Variants in UMAD1 observed in about 807,000 individuals in gnomAD.
The protein encoded by UMAD1 is UBAP1-MVB12-associated (UMA)-domain containing protein 1.
A neutral mutation model predicts 6.1 loss-of-function variants in UMAD1; 8 were observed. The ratio of observed to expected loss-of-function variants is 1.30; its 90% CI spans 0.76 to 2.35. The LOEUF (loss-of-function observed/expected upper bound fraction) is 2.35, where lower values mean the gene tolerates loss of function less well. UMAD1 is among the 30% of genes most tolerant of loss of function. The pLI, the probability that UMAD1 is intolerant of heterozygous loss-of-function variation, is 0.00. For missense variants in UMAD1, 130 were observed against 78.4 expected, an observed-to-expected ratio of 1.66 and a Z score of -2.49; for synonymous variants, 56 against 31.4, an observed-to-expected ratio of 1.78 and a Z score of -2.61.
chr7:7,839,598 C>A (rs905739507), intron 3 of UMAD1, among the ~76,000 whole-genome samples: 3 of 151,996 alleles, frequency 2.0e-5, no homozygotes, highest in Non-Finnish European at 1.5e-5. Flanking sequence ...ATAGGACTTA[C>A]AATAGCATGT....
At chr7:7,666,745 A>G (rs1370726328) in intron 1 of UMAD1, among the ~76,000 whole-genome samples, 1 of 152,040 alleles carries the variant, frequency 6.6e-6, no homozygotes, top group Non-Finnish European at 1.5e-5. Context: ...TACATTATTT[A>G]TCAAATATGT....
chr7:7,812,725 G>C (rs186558086), intron 3 of UMAD1, among the ~76,000 whole-genome samples: 2 of 150,862 alleles, frequency 1.3e-5, no homozygotes, highest in Non-Finnish European at 2.9e-5. Flanking sequence ...TACTTTTATA[G>C]CTTTAAAAAC....
intron 2 of UMAD1, among the ~76,000 whole-genome samples, chr7:7,715,833 T>A (rs1027869776): frequency 2.6e-5 from 4 of 152,156 alleles, no homozygotes; most frequent in Admixed American, 1.3e-4. Context: ...TAAAATAGAA[T>A]AGCATCAAAC....
At chr7:7,793,544 C>G (rs199980426) in intron 2 of UMAD1, among the ~76,000 whole-genome samples, 3 of 152,098 alleles carry the variant, frequency 2.0e-5, no homozygotes, top group Non-Finnish European at 2.9e-5. Context: ...TTTTTAAGTA[C>G]TGGGGCTTTC....
intron 2 of UMAD1, among the ~76,000 whole-genome samples, chr7:7,789,154 C>G (rs141282776): frequency 6.6e-6 from 1 of 152,248 alleles, no homozygotes; most frequent in Non-Finnish European, 1.5e-5. Context: ...GTGTGTTCCT[C>G]TGACACTGGT....
intron 3 of UMAD1, among the ~76,000 whole-genome samples, chr7:7,810,769 A>G (rs1328837843): frequency 6.6e-6 from 1 of 152,210 alleles, no homozygotes; most frequent in Non-Finnish European, 1.5e-5. Context: ...TGCAAGAACT[A>G]TTTTGTGTGA....
intron 2 of UMAD1, among the ~76,000 whole-genome samples, chr7:7,759,652 T>A (rs1014161497): frequency 6.6e-6 from 1 of 152,136 alleles, no homozygotes; most frequent in Non-Finnish European, 1.5e-5. Context: ...ACTGAAAGGA[T>A]CTAGGAAGGA....
At chr7:7,784,889 A>G (rs1782430749) in intron 2 of UMAD1, among the ~76,000 whole-genome samples, 1 of 148,872 alleles carries the variant, frequency 6.7e-6, no homozygotes, top group Non-Finnish European at 1.5e-5. Flanking sequence ...CAGCCTCCCG[A>G]GTAGCTGGGA....
chr7:7,836,992 C>A (rs1031032143), intron 3 of UMAD1, among the ~76,000 whole-genome samples: 51 of 151,472 alleles, frequency 3.4e-4, no homozygotes, highest in Admixed American at 3.1e-3. Flanking sequence ...TAGAAAGCCC[C>A]CCAAACACAA....
intron 2 of UMAD1, among the ~76,000 whole-genome samples, chr7:7,707,852 A>G (rs1287097043): frequency 1.3e-5 from 2 of 152,152 alleles, no homozygotes; most frequent in Admixed American, 6.6e-5. Context: ...CTTTTAATGT[A>G]GTTATTTTGC....
chr7:7,699,527 T>G (rs1361224229), intron 2 of UMAD1, among the ~76,000 whole-genome samples: 1 of 152,218 alleles, frequency 6.6e-6, no homozygotes, highest in African/African-American at 2.4e-5. Context: ...AAGTTTCACT[T>G]TAGAAACTGC....
chr7:7,662,862 G>A (rs1013199298), intron 1 of UMAD1, among the ~76,000 whole-genome samples: 40 of 152,256 alleles, frequency 2.6e-4, no homozygotes, highest in Admixed American at 2.2e-3. Flanking sequence ...TTAAAAGAAA[G>A]ATATAATGAT....
At chr7:7,691,576 C>A (rs1780171993) in intron 2 of UMAD1, among the ~76,000 whole-genome samples, 1 of 152,204 alleles carries the variant, frequency 6.6e-6, no homozygotes, top group African/African-American at 2.4e-5. Context: ...TATTTTCTTT[C>A]TCATCTTACG....
intron 2 of UMAD1, among the ~76,000 whole-genome samples, chr7:7,706,799 C>T (rs1170067867): frequency 1.3e-5 from 2 of 152,060 alleles, no homozygotes; most frequent in Non-Finnish European, 2.9e-5. Context: ...GCTCTTAATC[C>T]GTATGTTCTA....
chr7:7,743,861 T>A (rs375094651), intron 2 of UMAD1, among the ~76,000 whole-genome samples: 2 of 152,060 alleles, frequency 1.3e-5, no homozygotes, highest in East Asian at 3.8e-4. Context: ...ATCACCACTG[T>A]CTATTTCTAA....
chr7:7,680,474 A>G (rs904289445), intron 2 of UMAD1, among the ~76,000 whole-genome samples: 3 of 152,038 alleles, frequency 2.0e-5, no homozygotes, highest in African/African-American at 7.2e-5. Context: ...AGGTAGTGTG[A>G]TTCGTCTAAT....
chr7:7,703,568 C>G (rs1780520904), intron 2 of UMAD1, among the ~76,000 whole-genome samples: 1 of 152,152 alleles, frequency 6.6e-6, no homozygotes, highest in Non-Finnish European at 1.5e-5. Context: ...CAGACAAGCT[C>G]AAAATACAGG....
intron 2 of UMAD1, among the ~76,000 whole-genome samples, chr7:7,699,627 C>G (rs749520665): frequency 6.6e-6 from 1 of 152,124 alleles, no homozygotes; most frequent in African/African-American, 2.4e-5. Context: ...AAGTTTAGGA[C>G]CAGAAAAGAC....
chr7:7,746,543 T>G (rs1271057283), intron 2 of UMAD1, among the ~76,000 whole-genome samples: 1 of 152,262 alleles, frequency 6.6e-6, no homozygotes, highest in African/African-American at 2.4e-5. Context: ...ATGTAGTTTT[T>G]GCCTTAGCTA....
Sources: gnomAD v4.1 joint callset for allele counts (sites outside exome capture counted in the v4.1 genomes callset) on GRCh38, gnomAD v4.1.1 for gene constraint, MANE v1.5 for transcripts, NCBI Gene and HGNC (gene_info 2026-07-23, HGNC 2026-07-21) for gene names.